CAMK4: variants seen among roughly 807,000 people sequenced by gnomAD.
The protein encoded by CAMK4 is calcium/calmodulin dependent protein kinase IV.
CAMK4 carries 22 observed loss-of-function variants against 44.9 expected under a neutral mutation model. The observed-to-expected ratio is 0.49, with a 90% CI of 0.35 to 0.70. The LOEUF (loss-of-function observed/expected upper bound fraction) is 0.70. Among genes scored for constraint, CAMK4 ranks in the 30% least tolerant of loss-of-function variants. CAMK4 has a pLI of 0.01. For missense variants in CAMK4, 498 were observed against 586.8 expected (o/e 0.85, Z 1.56); for synonymous variants, 218 against 215.4 (o/e 1.01, Z -0.11).
intron 6 of CAMK4, among the ~76,000 whole-genome samples, chr5:111,447,914 C>T (rs1754084729): frequency 6.6e-6 from 1 of 152,244 alleles, no homozygotes; most frequent in African/African-American, 2.4e-5. Context: ...TTTCCTTTCA[C>T]ATCACTTTCA....
At chr5:111,442,198 T>C (rs1279294447) in intron 5 of CAMK4, among the ~76,000 whole-genome samples, 2 of 152,106 alleles carry the variant, frequency 1.3e-5, no homozygotes, top group Admixed American at 1.3e-4. Context: ...TTTATCATAA[T>C]ATGAAGGCAT....
intron 4 of CAMK4, among the ~76,000 whole-genome samples, chr5:111,393,634 A>C (rs1456627095): frequency 6.6e-6 from 1 of 152,150 alleles, no homozygotes; most frequent in Non-Finnish European, 1.5e-5. Flanking sequence ...CAGGAACAGA[A>C]AACCAAATAC....
At chr5:111,387,696 G>T (rs1751655078) in intron 4 of CAMK4, among the ~76,000 whole-genome samples, 1 of 152,090 alleles carries the variant, frequency 6.6e-6, no homozygotes, top group South Asian at 2.1e-4. Flanking sequence ...CATTCACTTG[G>T]CAATTGGTAT....
At chr5:111,353,650 A>C (rs1750205960) in intron 2 of CAMK4, among the ~76,000 whole-genome samples, 1 of 152,166 alleles carries the variant, frequency 6.6e-6, no homozygotes, top group African/African-American at 2.4e-5. Flanking sequence ...TCATTTCAGT[A>C]AAGTTTCAGA....
In CAMK4 at chr5:111,491,137, T is replaced by A. The variant is rs987643019; in HGVS notation, c.*6671T>A. On this transcript the variant is annotated 3_prime_UTR_variant, in exon 11 of 11. Coordinates refer to ENST00000282356, the MANE Select transcript of CAMK4 (RefSeq NM_001744.6). Reference sequence around the variant, plus strand: ...AATTTCCACATAATTCCCCAAGAACTGAACTCAAATCTCCAAAAATTTTTC... The same window carrying A: ...AATTTCCACATAATTCCCCAAGAACAGAACTCAAATCTCCAAAAATTTTTC... The A allele has an allele frequency of 6.6e-6, 1 of 152,194 alleles. No homozygotes were observed. Among genetic ancestry groups the A allele is most frequent in the Non-Finnish European group, 1.5e-5 (1 of 68,036 alleles). The allele number at this position is 152,194 out of a possible 1,614,324, so 9.4% of individuals were successfully genotyped here. A position where few individuals can be genotyped will look rare whatever the true frequency, so the allele number is the denominator to read the frequency against.
At chr5:111,376,824 A>C (rs1751229922) in intron 3 of CAMK4, 36 bp from the exon 4 acceptor site, 1 of 1,275,144 alleles carries the variant, frequency 7.8e-7, no homozygotes, top group African/African-American at 1.5e-5. Flanking sequence ...TGGAATAAGA[A>C]ATTTGTGATA....
chr5:111,332,334 G>C (rs1311576486), intron 1 of CAMK4, among the ~76,000 whole-genome samples: 1 of 146,804 alleles, frequency 6.8e-6, no homozygotes, highest in African/African-American at 2.5e-5. Context: ...GCGGTGTTTG[G>C]TTTTTTGTCC....
intron 5 of CAMK4, among the ~76,000 whole-genome samples, chr5:111,443,469 T>A (rs1753919210): frequency 6.6e-6 from 1 of 151,138 alleles, no homozygotes; most frequent in Admixed American, 6.6e-5. Flanking sequence ...ACCTTTAGCA[T>A]TTAATTGCTT....
intron 7 of CAMK4, among the ~76,000 whole-genome samples, chr5:111,455,154 A>G (rs1324458391): frequency 6.6e-6 from 1 of 152,210 alleles, no homozygotes; most frequent in African/African-American, 2.4e-5. Flanking sequence ...TTGTGCTTCT[A>G]TTTAAGCCAA....
At chr5:111,454,181 T>G (rs2112987796) in intron 7 of CAMK4, among the ~76,000 whole-genome samples, 1 of 152,256 alleles carries the variant, frequency 6.6e-6, no homozygotes, top group East Asian at 1.9e-4. Context: ...TTGACAGAGA[T>G]GAGATGCGAG....
intron 1 of CAMK4, among the ~76,000 whole-genome samples, chr5:111,341,965 C>CA (rs1178586038): frequency 6.6e-6 from 1 of 151,388 alleles, no homozygotes; most frequent in Non-Finnish European, 1.5e-5. Context: ...GAAACACATG[C>CA]AAAAAACATT....
At position 111,484,305 on chromosome 5, in the gene CAMK4, G is replaced by T; in HGVS notation, c.1261G>T (p.Val421Leu). ...GGCCCCCAAAATGGTGCCCAAGGCA[G>T]TGGAGGATGGGATAAAGGTGGCTGA... ...EEAPKMVPKA[V>L]EDGIKVADLE... is the part of the protein sequence containing the mutation. The change falls in exon 11 of 11, where the codon GTG becomes TTG. Residue 421 changes from valine (V) to leucine (L), a missense_variant. Physicochemically the swap from Val to Leu is conservative, Grantham distance 32 (BLOSUM62 1). This residue lies in a region of CAMK4 where 143 missense variants were observed against 144.9 expected (regional missense o/e 0.99). Coordinates refer to ENST00000282356, the MANE Select transcript of CAMK4 (RefSeq NM_001744.6). The surrounding 1 kb of genome is among the most constrained non-coding windows in gnomAD (Gnocchi z 5.3). 6.2e-7 allele frequency: 1 copy of T among 1,614,088 alleles called. No individual in the cohort carries two copies. The highest frequency in any genetic ancestry group is 8.5e-7 in the Non-Finnish European group (1 of 1,180,016).
intron 1 of CAMK4, among the ~76,000 whole-genome samples, chr5:111,238,547 GT>G (rs60032548): frequency 0.23 from 33,214 of 143,926 alleles, 4,235 homozygotes; most frequent in African/African-American, 0.37. Flanking sequence ...TGAAAAAAAT[GT>G]TTTTTTTTTT....
In CAMK4 at chr5:111,484,883, C is replaced by T. The variant is rs543487436; in HGVS notation, c.*417C>T. On this transcript the variant is annotated 3_prime_UTR_variant, in exon 11 of 11. Coordinates refer to ENST00000282356, the MANE Select transcript of CAMK4 (RefSeq NM_001744.6). This position sits in a 1 kb window ranked among gnomAD's most constrained non-coding sequence, Gnocchi z 5.3. ...GCTAATACTAGGTAGTGCTAAAAGACATGTTCCCATAACTTTTACAACATT... is the reference window on the plus strand; with the variant it reads ...GCTAATACTAGGTAGTGCTAAAAGATATGTTCCCATAACTTTTACAACATT... The T allele has an allele frequency of 5.8e-5, 9 of 154,720 alleles. No homozygotes were observed. Among genetic ancestry groups the T allele is most frequent in the Non-Finnish European group, 1.3e-4 (9 of 69,862 alleles). 9.6% of individuals were successfully genotyped at this position (154,720 alleles called of 1,614,324 possible). A position where few individuals can be genotyped will look rare whatever the true frequency, so the allele number is the denominator to read the frequency against.
At chr5:111,349,973 C>T (rs912266705) in intron 2 of CAMK4, among the ~76,000 whole-genome samples, 2 of 151,862 alleles carry the variant, frequency 1.3e-5, no homozygotes, top group African/African-American at 2.4e-5. Flanking sequence ...ATCTAATCTC[C>T]GTGTGTAAAA....
At chr5:111,418,507 A>G (rs866395247) in intron 5 of CAMK4, among the ~76,000 whole-genome samples, 3 of 152,096 alleles carry the variant, frequency 2.0e-5, no homozygotes, top group Middle Eastern at 3.4e-3. Context: ...TTTGTTACAT[A>G]TGCATACATG....
chr5:111,308,892 A>G (rs976100382), intron 1 of CAMK4, among the ~76,000 whole-genome samples: 1 of 152,198 alleles, frequency 6.6e-6, no homozygotes, highest in African/African-American at 2.4e-5. Context: ...TTGAGATATA[A>G]TTAACCTTCT....
At chr5:111,257,462 G>A (rs148411755) in intron 1 of CAMK4, among the ~76,000 whole-genome samples, 16 of 152,306 alleles carry the variant, frequency 1.1e-4, no homozygotes, top group Admixed American at 9.2e-4. Flanking sequence ...TCTCACACCA[G>A]TCAGAATGAC....
At chr5:111,426,584 C>T (rs910083007) in intron 5 of CAMK4, among the ~76,000 whole-genome samples, 2 of 152,112 alleles carry the variant, frequency 1.3e-5, no homozygotes, top group Non-Finnish European at 2.9e-5. Flanking sequence ...AACTCCATAT[C>T]GCTGAAAGAG....
Sources: allele counts gnomAD v4.1 joint callset (sites outside exome capture counted in the v4.1 genomes callset), GRCh38; gene constraint gnomAD v4.1.1; regional missense constraint gnomAD v4.1.1; non-coding constraint Gnocchi (gnomAD v3.1); transcripts MANE v1.5; gene names NCBI Gene and HGNC (gene_info 2026-07-23, HGNC 2026-07-21).